Variants in EHBP1 observed in about 807,000 individuals in gnomAD.
EHBP1 encodes EH domain binding protein 1.
In EHBP1, 55 loss-of-function variants were observed where a neutral mutation model predicts 144.0. The observed-to-expected ratio is 0.38, with a 90% CI of 0.31 to 0.48. The LOEUF (loss-of-function observed/expected upper bound fraction) is 0.48, where lower values mean the gene tolerates loss of function less well. Ranked by LOEUF, EHBP1 falls within the 20% of genes least tolerant of loss-of-function variation. The pLI, the probability that EHBP1 is intolerant of heterozygous loss-of-function variation, is 0.98. For synonymous variants in EHBP1, 469 were observed against 472.7 expected, an observed-to-expected ratio of 0.99 and a Z score of 0.10; for missense variants, 1,200 against 1,364.2, an observed-to-expected ratio of 0.88 and a Z score of 1.90.
In EHBP1 at chr2:63,037,525, C is replaced by T. The variant is rs569860496; in HGVS notation, c.3104-10C>T. The T allele has an allele frequency of 5.7e-6, 9 of 1,584,312 alleles. No individual in the cohort carries two copies. The highest frequency in any genetic ancestry group is 4.6e-5 in the South Asian group (4 of 86,994). On this transcript the variant is annotated splice_polypyrimidine_tract_variant and intron_variant, in intron 19 of 22. Transcript: ENST00000431489. ...TCGTATAGTAAAAGGTAACTCTTCC[C>T]GAATTATAGGAAGGAACACAGAAGA...
chr2:62,707,031 T>C lies in EHBP1; in HGVS notation c.-161T>C. 1 of 597,208 alleles carries C rather than the reference T, an allele frequency of 1.7e-6. No individual in the cohort carries two copies. The highest frequency in any genetic ancestry group is 2.9e-5 in the East Asian group (1 of 34,112). The allele number at this position is 597,208 out of a possible 1,614,324, so 37.0% of individuals were successfully genotyped here. On this transcript the variant is annotated 5_prime_UTR_variant, in exon 2 of 23. Transcript: ENST00000431489. ...CATTCATCTAAGATGGGATTTACCC[T>C]GTGAAACAGGGAGAAGACTTATGGA...
In EHBP1 at chr2:63,016,437, G is replaced by C. The variant is rs1005258016; in HGVS notation, c.3103+19671G>C. Among the ~76,000 whole-genome samples, 2 of 150,096 alleles carry C rather than the reference G, an allele frequency of 1.3e-5. 1 individual carries two copies. Among genetic ancestry groups the C allele is most frequent in the South Asian group, 4.2e-4 (2 of 4,712 alleles). ...GGTTTTTTGTTTGTTTTTCTGTTTT[G>C]GGGGGTTGGGGGAATGGAGTCTCGT... is the stretch of plus-strand genomic sequence containing the variant. On this transcript the variant is annotated intron_variant, in intron 19 of 22. Transcript: ENST00000431489.
At chr2:62,685,837 A>G (rs995079638) in intron 1 of EHBP1, among the ~76,000 whole-genome samples, 1 of 152,182 alleles carries the variant, frequency 6.6e-6, no homozygotes, top group East Asian at 1.9e-4. Flanking sequence ...CATCACTGAG[A>G]TCATCATCCT....
intron 19 of EHBP1, among the ~76,000 whole-genome samples, chr2:63,002,934 G>A (rs555798352): frequency 6.6e-6 from 1 of 152,142 alleles, no homozygotes; most frequent in East Asian, 1.9e-4. Context: ...TAGGGATCAT[G>A]TAACTATTTT....
intron 3 of EHBP1, among the ~76,000 whole-genome samples, chr2:62,753,433 C>T (rs2039951283): frequency 1.3e-5 from 2 of 152,122 alleles, no homozygotes; most frequent in Non-Finnish European, 2.9e-5. Flanking sequence ...CTGCCCTTAA[C>T]ATTTTTTCCT....
At chr2:62,717,216 G>GAATC (rs1391269185) in intron 2 of EHBP1, among the ~76,000 whole-genome samples, 1 of 152,054 alleles carries the variant, frequency 6.6e-6, no homozygotes, top group Non-Finnish European at 1.5e-5. Context: ...AAATTTTAAG[G>GAATC]GATTATGTGA....
chr2:63,033,152 T>C (rs2061329645), intron 19 of EHBP1, among the ~76,000 whole-genome samples: 1 of 152,232 alleles, frequency 6.6e-6, no homozygotes, highest in African/African-American at 2.4e-5. Flanking sequence ...TGACCCTAAA[T>C]AACTGCACCA....
rs188784453 is a variant in EHBP1, at chr2:62,895,972, G to A, written c.1185+21440G>A. ...GGTTAAATTAGTAAATTTAATGTTA[G>A]GTGTTTTCTACTACAATTTAAAAAA... is the stretch of plus-strand genomic sequence containing the variant. On this transcript the variant is annotated intron_variant, in intron 10 of 22. Transcript: ENST00000431489. Among the ~76,000 whole-genome samples the A allele has an allele frequency of 5.3e-5, 8 of 152,218 alleles. No homozygotes were observed. The East Asian group carries it at 1.4e-3, about 26-fold the overall frequency.
At chr2:62,774,033 T>C (rs1033599949) in intron 5 of EHBP1, among the ~76,000 whole-genome samples, 1 of 151,992 alleles carries the variant, frequency 6.6e-6, no homozygotes, top group African/African-American at 2.4e-5. Context: ...TGAACTTGCA[T>C]AAGCCAATCT....
Position 62,747,401 on chromosome 2 carries a change from A to G in EHBP1, c.111A>G (p.Pro37=). Residue 37 remains proline (P), a synonymous_variant, in exon 3 of 23, where the codon CCA becomes CCG. Coordinates refer to ENST00000431489, the MANE Select transcript of EHBP1 (RefSeq NM_001142616.3). ...CTTTTTTTTTGTTTGGCAGGCAACC[A>G]GATAAACTGGTGGTAGTTTGGACCA... The part of the protein sequence containing the change: ...LMVECTKKWQ[P]DKLVVVWTRR... 2 of 1,609,440 alleles carry G rather than the reference A, an allele frequency of 1.2e-6. No homozygotes were observed. Among genetic ancestry groups the G allele is most frequent in the Non-Finnish European group, 1.7e-6 (2 of 1,177,830 alleles).
At chr2:63,002,606 A>C (rs1233940433) in intron 19 of EHBP1, among the ~76,000 whole-genome samples, 1 of 152,076 alleles carries the variant, frequency 6.6e-6, no homozygotes, top group East Asian at 1.9e-4. Flanking sequence ...TATATTCCTG[A>C]AATGCTATAT....
At chr2:62,873,245 T>C (rs1206278527) in intron 9 of EHBP1, among the ~76,000 whole-genome samples, 1 of 152,140 alleles carries the variant, frequency 6.6e-6, no homozygotes, top group Non-Finnish European at 1.5e-5. Flanking sequence ...ATACTAGATT[T>C]GACAGATAGA....
At position 63,013,124 on chromosome 2, in the gene EHBP1, G is replaced by A. The variant is rs186376986; in HGVS notation, c.3103+16358G>A. ...TCTACACAGTTTCAAAAATAGAATC[G>A]GGTCTTACATAGTGAGCAATAAGCC... On this transcript the variant is annotated intron_variant, in intron 19 of 22. Coordinates refer to ENST00000431489, the MANE Select transcript of EHBP1 (RefSeq NM_001142616.3). 1.3e-4 allele frequency among the ~76,000 whole-genome samples: 20 copies of A among 152,186 alleles called. No homozygotes were observed. The East Asian group carries it at 3.1e-3, about 24-fold the overall frequency.
intron 19 of EHBP1, among the ~76,000 whole-genome samples, chr2:62,998,726 A>C (rs2059737953): frequency 1.3e-5 from 2 of 152,184 alleles, no homozygotes; most frequent in South Asian, 4.1e-4. Context: ...CATAGAATAC[A>C]GGTTGAATCT....
intron 19 of EHBP1, among the ~76,000 whole-genome samples, chr2:63,025,730 A>G (rs954669044): frequency 2.0e-5 from 3 of 152,196 alleles, no homozygotes; most frequent in Admixed American, 6.5e-5. Flanking sequence ...TATCATGATA[A>G]AAGGGGCAAC....
intron 10 of EHBP1, among the ~76,000 whole-genome samples, chr2:62,905,070 T>C (rs1015865777): frequency 1.2e-4 from 19 of 152,132 alleles, no homozygotes; most frequent in African/African-American, 4.3e-4. Flanking sequence ...TCTATGAAGG[T>C]GATGTTTAAG....
At chr2:62,747,596 G>A in intron 3 of EHBP1, 144 bp downstream of exon 3, 1 of 659,580 alleles carries the variant, frequency 1.5e-6, no homozygotes, top group Non-Finnish European at 2.6e-6. Flanking sequence ...TTGATCAGAT[G>A]CTATAATCTT....
At chr2:62,791,884 A>T (rs977136207) in intron 5 of EHBP1, among the ~76,000 whole-genome samples, 1 of 152,018 alleles carries the variant, frequency 6.6e-6, no homozygotes, top group Non-Finnish European at 1.5e-5. Context: ...TTGCTTTAAA[A>T]CAGGGTTATT....
intron 3 of EHBP1, among the ~76,000 whole-genome samples, chr2:62,751,710 T>C (rs2039737858): frequency 1.3e-5 from 2 of 152,240 alleles, no homozygotes; most frequent in Admixed American, 1.3e-4. Flanking sequence ...GGTTTAGGCT[T>C]CGGAGGGTGT....
Sources: gnomAD v4.1 joint callset for allele counts (sites outside exome capture counted in the v4.1 genomes callset) on GRCh38, gnomAD v4.1.1 for gene constraint, MANE v1.5 for transcripts, NCBI Gene and HGNC (gene_info 2026-07-23, HGNC 2026-07-21) for gene names.